NFIB: variants seen among roughly 807,000 people sequenced by gnomAD.
The protein encoded by NFIB is nuclear factor I B.
A neutral mutation model predicts 61.5 loss-of-function variants in NFIB; 11 were observed. The observed-to-expected ratio is 0.18, with a 90% CI of 0.11 to 0.30. The LOEUF (loss-of-function observed/expected upper bound fraction) is 0.30, where lower values mean the gene tolerates loss of function less well. Among genes scored for constraint, NFIB ranks in the 10% least tolerant of loss-of-function variants. NFIB has a pLI of 1.00. For missense variants in NFIB, 471 were observed against 608.9 expected (o/e 0.77, Z 2.38); for synonymous variants, 260 against 216.5 (o/e 1.20, Z -1.76).
At chr9:14,280,166 C>T (rs2058274379) in intron 2 of NFIB, among the ~76,000 whole-genome samples, 1 of 152,172 alleles carries the variant, frequency 6.6e-6, no homozygotes, top group Admixed American at 6.5e-5. Context: ...CCTCACTAAG[C>T]CAGCTTAGGG....
intron 2 of NFIB, among the ~76,000 whole-genome samples, chr9:14,292,009 C>T (rs1283676602): frequency 2.0e-5 from 3 of 152,062 alleles, no homozygotes; most frequent in East Asian, 3.8e-4. Context: ...TAGAATACTT[C>T]CTATGAAAAT....
upstream of NFIB, among the ~76,000 whole-genome samples, chr9:14,400,525 T>C (rs2061732612): frequency 2.0e-5 from 3 of 152,170 alleles, no homozygotes; most frequent in South Asian, 6.2e-4. Context: ...CTGAGTAATA[T>C]ACAGGTCACA....
At chr9:14,093,951 T>C (rs1377804247) in intron 10 of NFIB, among the ~76,000 whole-genome samples, 1 of 152,094 alleles carries the variant, frequency 6.6e-6, no homozygotes, top group Non-Finnish European at 1.5e-5. Context: ...ATAATGTGTA[T>C]TATTTGCCAG....
rs67877825 is a variant in NFIB, at chr9:14,354,780, CTGTGTGTG to C, written c.108+43736_108+43743del. 1.2e-3 allele frequency among the ~76,000 whole-genome samples: 170 copies of C among 145,854 alleles called. 1 individual carries two copies. Among genetic ancestry groups the C allele is most frequent in the Admixed American group, 1.6e-3 (23 of 14,600 alleles). The stretch of plus-strand genomic sequence containing the variant: ...TGGTTATCTCTATGTAATGGGTACT[CTGTGTGTG>C]TGTGTGTGTGTGTGTGTGTGTGTGT... On this transcript the variant is annotated intron_variant, in intron 1 of 8. Coordinates refer to the NFIB transcript ENST00000380934.
intron 1 of NFIB, among the ~76,000 whole-genome samples, chr9:14,392,219 G>A (rs1017332485): frequency 2.0e-5 from 3 of 152,126 alleles, no homozygotes; most frequent in Admixed American, 6.5e-5. Context: ...ATGTGACCCT[G>A]GGGTAGAAAA....
chr9:14,203,586 G>A (rs2049299175), intron 2 of NFIB, among the ~76,000 whole-genome samples: 1 of 152,194 alleles, frequency 6.6e-6, no homozygotes, highest in African/African-American at 2.4e-5. Context: ...CTCCGCGCGG[G>A]CAGGATCTAA....
chr9:14,417,782 T>TTTG, the NFIB span, among the ~76,000 whole-genome samples: 2 of 142,132 alleles, frequency 1.4e-5, no homozygotes, highest in African/African-American at 5.4e-5. Flanking sequence ...CAGTTTTTTT[T>TTTG]TTTTTTTTTT....
chr9:14,295,670 A>AT (rs1275733637), intron 2 of NFIB, among the ~76,000 whole-genome samples: 5 of 144,562 alleles, frequency 3.5e-5, no homozygotes, highest in African/African-American at 1.2e-4. Context: ...ACAAAGCACT[A>AT]TCCCATCTAG....
chr9:14,347,385 G>A (rs1222418893), intron 1 of NFIB: 1 of 152,690 alleles, frequency 6.5e-6, no homozygotes, highest in South Asian at 2.1e-4. Flanking sequence ...GGAGAGGACG[G>A]GAGGGAGAGG....
intron 3 of NFIB, among the ~76,000 whole-genome samples, chr9:14,162,483 G>C (rs779715092): frequency 2.6e-5 from 4 of 151,978 alleles, no homozygotes; most frequent in Non-Finnish European, 5.9e-5. Context: ...TGTTGAACTG[G>C]TTGGCTCAGT....
chr9:14,282,793 A>T (rs7021539), intron 2 of NFIB, among the ~76,000 whole-genome samples: 4 of 152,230 alleles, frequency 2.6e-5, no homozygotes, highest in South Asian at 2.1e-4. Flanking sequence ...TGAGCTCCTC[A>T]TGCAGGGCTT....
chr9:14,133,704 T>C (rs1048586980), intron 6 of NFIB, among the ~76,000 whole-genome samples: 1 of 152,144 alleles, frequency 6.6e-6, no homozygotes, highest in Non-Finnish European at 1.5e-5. Flanking sequence ...AGTGTCCAGG[T>C]TATTTATAAG....
intron 3 of NFIB, among the ~76,000 whole-genome samples, chr9:14,159,749 G>C (rs982741180): frequency 1.2e-4 from 19 of 152,222 alleles, no homozygotes; most frequent in African/African-American, 4.6e-4. Flanking sequence ...CAAAATAACT[G>C]AGAGGATTTT....
At chr9:14,285,389 TG>T (rs1015921280) in intron 2 of NFIB, among the ~76,000 whole-genome samples, 98 of 152,350 alleles carry the variant, frequency 6.4e-4, no homozygotes, top group African/African-American at 2.3e-3. Flanking sequence ...CCCAAAGTGC[TG>T]GGATTACAGG....
chr9:14,456,839 T>C, the NFIB span, among the ~76,000 whole-genome samples: 1 of 152,154 alleles, frequency 6.6e-6, no homozygotes, highest in Non-Finnish European at 1.5e-5. Context: ...TTTGGGAAAT[T>C]TATCCTATTG....
chr9:14,218,422 T>C (rs74633221), intron 2 of NFIB, among the ~76,000 whole-genome samples: 2,500 of 152,214 alleles, frequency 0.016, 25 homozygotes, highest in Non-Finnish European at 0.022. Context: ...TGGCATTCTG[T>C]CTAAGCCAAC....
intron 2 of NFIB, among the ~76,000 whole-genome samples, chr9:14,255,835 T>C (rs1319841765): frequency 2.0e-5 from 3 of 152,214 alleles, no homozygotes; most frequent in Non-Finnish European, 2.9e-5. Context: ...ATAGCCTGAA[T>C]GCCTTTGGAA....
intron 10 of NFIB, among the ~76,000 whole-genome samples, chr9:14,100,964 TAAG>T (rs2035692855): frequency 6.6e-6 from 1 of 152,164 alleles, no homozygotes; most frequent in African/African-American, 2.4e-5. Flanking sequence ...GCATGAAATA[TAAG>T]AGAGTTATTC....
upstream of NFIB, among the ~76,000 whole-genome samples, chr9:14,315,443 T>C (rs2060497641): frequency 6.8e-6 from 1 of 147,858 alleles, no homozygotes; most frequent in Non-Finnish European, 1.5e-5. Context: ...GCTGGCTGGC[T>C]CCCAATCCCC....
Sources: gnomAD v4.1 joint callset for allele counts (sites outside exome capture counted in the v4.1 genomes callset) on GRCh38, gnomAD v4.1.1 for gene constraint, MANE v1.5 for transcripts, NCBI Gene and HGNC (gene_info 2026-07-23, HGNC 2026-07-21) for gene names.